The following NDC1 variants were observed in gnomAD, a reference collection of about 807,000 sequenced individuals.
NDC1 encodes nucleoporin NDC1.
Under a neutral mutation model 89.8 loss-of-function variants are expected in NDC1, and 24 were observed. That is an observed-to-expected ratio of 0.27 (90% CI 0.19 to 0.38). The LOEUF (loss-of-function observed/expected upper bound fraction) is 0.38. NDC1 is among the 10% of genes least tolerant of loss of function. The pLI is 1.00. For synonymous variants in NDC1, 296 were observed against 284.8 expected (o/e 1.04, Z -0.39); for missense variants, 728 against 797.6 (o/e 0.91, Z 1.05).
chr1:53,779,052 A>C (rs1647183795), intron 16 of NDC1, among the ~76,000 whole-genome samples: 1 of 142,286 alleles, frequency 7.0e-6, no homozygotes, highest in African/African-American at 2.6e-5. Flanking sequence ...CTGAGGAGGG[A>C]GGATCAATTA....
At chr1:53,797,546 C>T (rs1647759890) in intron 11 of NDC1, among the ~76,000 whole-genome samples, 1 of 152,114 alleles carries the variant, frequency 6.6e-6, no homozygotes. Context: ...CTGAACATAC[C>T]AAATCTATAT....
At chr1:53,787,128 C>T (rs1260074126) in intron 16 of NDC1, 30 bp downstream of exon 16, 1 of 1,244,932 alleles carries the variant, frequency 8.0e-7, no homozygotes, top group Non-Finnish European at 1.2e-6. Context: ...AAGATGACCT[C>T]TACCCCCTCC....
chr1:53,827,892 T>C, intron 4 of NDC1, 107 bp downstream of exon 4: 4 of 808,422 alleles, frequency 4.9e-6, no homozygotes, highest in Non-Finnish European at 7.1e-6. Flanking sequence ...AAAGCACCTT[T>C]TGCAGAAGTC....
chr1:53,810,274 G>C (rs1173019009), intron 6 of NDC1, among the ~76,000 whole-genome samples: 2 of 152,150 alleles, frequency 1.3e-5, no homozygotes, highest in African/African-American at 4.8e-5. Flanking sequence ...CAGGAAAGTA[G>C]TGCTTGCTTC....
chr1:53,807,476 G>C (rs1430822521), intron 8 of NDC1, among the ~76,000 whole-genome samples, 180 bp downstream of exon 8: 1 of 151,428 alleles, frequency 6.6e-6, no homozygotes, highest in Non-Finnish European at 1.5e-5. Flanking sequence ...CTGTTCCTCT[G>C]AAAAAAAATA....
intron 4 of NDC1, among the ~76,000 whole-genome samples, chr1:53,826,280 G>A (rs1422830824): frequency 6.6e-6 from 1 of 152,158 alleles, no homozygotes; most frequent in Non-Finnish European, 1.5e-5. Context: ...CATAACATTG[G>A]GTTTGTGTTA....
rs1402969606 is a variant in NDC1, at chr1:53,793,255, C to T, written c.1609G>A (p.Val537Met). 1 of 1,611,594 alleles carries T rather than the reference C, an allele frequency of 6.2e-7. No individual in the cohort carries two copies. The highest frequency in any genetic ancestry group is 1.3e-5 in the African/African-American group (1 of 74,848). ...TTACTGAAAAAATACATTATCAGCA[C>T]CCGTTTTGACAAGAAATTCTTAATC... ...EQIKNFLSKR[V>M]LIMYFFSKHP... is the part of the protein sequence containing the mutation. The change falls in exon 14 of 18, where the codon GTG (valine) becomes ATG (methionine). Residue 537 changes from valine (V) to methionine (M), a missense_variant. Coordinates refer to ENST00000371429, the MANE Select transcript of NDC1 (RefSeq NM_018087.5).
intron 5 of NDC1, among the ~76,000 whole-genome samples, chr1:53,821,068 A>T (rs1570226984): frequency 6.6e-6 from 1 of 152,136 alleles, no homozygotes; most frequent in East Asian, 1.9e-4. Flanking sequence ...GAAGCTGAAG[A>T]ACAGCAAATA....
chr1:53,821,116 T>C (rs191490513), intron 5 of NDC1, among the ~76,000 whole-genome samples: 2 of 152,162 alleles, frequency 1.3e-5, no homozygotes, highest in East Asian at 3.9e-4. Flanking sequence ...ATATTATGAA[T>C]GGAGATGCCT....
intron 16 of NDC1, among the ~76,000 whole-genome samples, chr1:53,786,915 C>T (rs1647324109): frequency 6.6e-6 from 1 of 152,092 alleles, no homozygotes; most frequent in Non-Finnish European, 1.5e-5. Flanking sequence ...AGGCTGATCT[C>T]AAACTCTCCA....
chr1:53,793,240 A>T lies in NDC1; in HGVS notation c.1624T>A (p.Phe542Ile), dbSNP rs149157348. 2 of 1,611,510 alleles carry T rather than the reference A, an allele frequency of 1.2e-6. No homozygotes were observed. Among genetic ancestry groups the T allele is most frequent in the Non-Finnish European group, 1.7e-6 (2 of 1,177,610 alleles). Residue 542 changes from phenylalanine (F) to isoleucine (I), a missense_variant, in exon 14 of 18, where the codon TTT (phenylalanine) becomes ATT (isoleucine). Phe to Ile is a conservative substitution (Grantham distance 21, BLOSUM62 0). Coordinates refer to ENST00000371429, the MANE Select transcript of NDC1 (RefSeq NM_018087.5). Reference protein sequence around the residue: ...FLSKRVLIMYFFSKHPEASIQ... With the variant: ...FLSKRVLIMYIFSKHPEASIQ... ...CCACATATTCTTACCTTACTGAAAA[A>T]ATACATTATCAGCACCCGTTTTGAC...
intron 13 of NDC1, among the ~76,000 whole-genome samples, chr1:53,795,727 G>A (rs1188710249): frequency 6.6e-6 from 1 of 152,094 alleles, no homozygotes; most frequent in Non-Finnish European, 1.5e-5. Context: ...TCTCCCACTA[G>A]ATTACTTAAC....
At chr1:53,769,003 C>G (rs1647089913) in intron 17 of NDC1, among the ~76,000 whole-genome samples, 1 of 152,180 alleles carries the variant, frequency 6.6e-6, no homozygotes, top group Non-Finnish European at 1.5e-5. Context: ...TAGTAGCAAT[C>G]TCTGCCCCTC....
intron 3 of NDC1, among the ~76,000 whole-genome samples, chr1:53,830,035 C>T (rs1486061770): frequency 2.0e-5 from 3 of 152,012 alleles, no homozygotes; most frequent in African/African-American, 7.3e-5. Flanking sequence ...ACTGTAATCC[C>T]AGCTACTCAG....
intron 9 of NDC1, among the ~76,000 whole-genome samples, chr1:53,804,249 T>C (rs975358527): frequency 6.6e-6 from 1 of 152,174 alleles, no homozygotes; most frequent in Admixed American, 6.5e-5. Flanking sequence ...CTTTCATATA[T>C]CTGCGGTGGG....
In NDC1 at chr1:53,767,755, C is replaced by T. The variant is rs935275251; in HGVS notation, c.*215G>A. On this transcript the variant is annotated 3_prime_UTR_variant, in exon 18 of 18. Coordinates refer to ENST00000371429, the MANE Select transcript of NDC1 (RefSeq NM_018087.5). ...TAAAGATTTTATTATACCACACACACAAAAAGCAATCGGTACAGAAAAGGC... is the reference window on the plus strand; with the variant it reads ...TAAAGATTTTATTATACCACACACATAAAAAGCAATCGGTACAGAAAAGGC... 5.5e-5 allele frequency: 21 copies of T among 383,950 alleles called. No individual in the cohort carries two copies. The Admixed American group carries it at 9.0e-4, about 16-fold the overall frequency. The allele number at this position is 383,950 out of a possible 1,614,324, so 23.8% of individuals were successfully genotyped here.
chr1:53,815,083 C>A (rs1355268214), intron 6 of NDC1, among the ~76,000 whole-genome samples: 1 of 152,054 alleles, frequency 6.6e-6, no homozygotes, highest in Non-Finnish European at 1.5e-5. Context: ...AAAGAAGGAA[C>A]CCTCCCTAAT....
chr1:53,767,834 A>G lies in NDC1; in HGVS notation c.*136T>C. ...TTTCCATGATTTCTCCCATTAAAGT[A>G]TAGTTTTCAAAGCAACCACCACGAC... is the stretch of plus-strand genomic sequence containing the variant. On this transcript the variant is annotated 3_prime_UTR_variant, in exon 18 of 18. Transcript: ENST00000371429. 1 of 450,134 alleles carries G rather than the reference A, an allele frequency of 2.2e-6. No individual in the cohort carries two copies. The highest frequency in any genetic ancestry group is 3.9e-6 in the Non-Finnish European group (1 of 253,916). The allele number at this position is 450,134 out of a possible 1,614,324, so 27.9% of individuals were successfully genotyped here.
chr1:53,769,203 T>C (rs1390726855), intron 17 of NDC1, among the ~76,000 whole-genome samples: 4 of 152,268 alleles, frequency 2.6e-5, no homozygotes, highest in Middle Eastern at 6.8e-3. Flanking sequence ...TTTGATATGT[T>C]ATAGGCTGGA....
Sources: allele counts gnomAD v4.1 joint callset (sites outside exome capture counted in the v4.1 genomes callset), GRCh38; gene constraint gnomAD v4.1.1; transcripts MANE v1.5; gene names NCBI Gene and HGNC (gene_info 2026-07-23, HGNC 2026-07-21).